The following MIPEP variants were observed in gnomAD, a reference collection of about 807,000 sequenced individuals.
MIPEP encodes the protein mitochondrial intermediate peptidase.
In MIPEP, 79 loss-of-function variants were observed where a neutral mutation model predicts 90.3. The ratio of observed to expected loss-of-function variants is 0.87; its 90% CI spans 0.73 to 1.05. The LOEUF is 1.05. Ranked by LOEUF, MIPEP falls within the 50% of genes least tolerant of loss-of-function variation. The pLI, the probability that MIPEP is intolerant of heterozygous loss-of-function variation, is 0.00. For missense variants in MIPEP, 940 were observed against 905.6 expected (o/e 1.04, Z -0.49); for synonymous variants, 334 against 315.8 (o/e 1.06, Z -0.61).
intron 5 of MIPEP, 31 bp downstream of exon 5, chr13:23,874,815 G>A (rs1367781249): frequency 7.1e-6 from 11 of 1,548,822 alleles, no homozygotes. Context: ...AGTAAAACTG[G>A]AAGAGTCAAA....
intron 10 of MIPEP, among the ~76,000 whole-genome samples, chr13:23,855,873 A>G (rs1042302613): frequency 6.6e-6 from 1 of 152,232 alleles, no homozygotes; most frequent in Non-Finnish European, 1.5e-5. Context: ...TGTTCCCAGC[A>G]TACCTGGTGA....
intron 13 of MIPEP, among the ~76,000 whole-genome samples, chr13:23,836,952 CTGGATGCCAACAATTCACTAG>C (rs1441515814): frequency 6.6e-6 from 1 of 152,216 alleles, no homozygotes; most frequent in Non-Finnish European, 1.5e-5. Flanking sequence ...TTAACAAATG[CTGGATGCCAACAATTCACTAG>C]TGGTCTAATG....
chr13:23,759,219 G>A (rs1235756849), intron 17 of MIPEP, among the ~76,000 whole-genome samples: 1 of 152,092 alleles, frequency 6.6e-6, no homozygotes, highest in Admixed American at 6.6e-5. Context: ...TTCCTGTTAG[G>A]AGGATCAGGA....
At chr13:23,819,916 G>A (rs1312142789) in intron 14 of MIPEP, among the ~76,000 whole-genome samples, 2 of 151,926 alleles carry the variant, frequency 1.3e-5, no homozygotes, top group Non-Finnish European at 2.9e-5. Context: ...GGCTGAGGGA[G>A]GAGAATTGCT....
chr13:23,813,605 A>C (rs1593169286), intron 14 of MIPEP, among the ~76,000 whole-genome samples: 2 of 152,110 alleles, frequency 1.3e-5, no homozygotes, highest in East Asian at 1.9e-4. Flanking sequence ...AAATATACCT[A>C]TCTCTCTCAT....
intron 16 of MIPEP, among the ~76,000 whole-genome samples, chr13:23,780,730 T>TGTAG (rs1212956639): frequency 6.6e-6 from 1 of 152,158 alleles, no homozygotes; most frequent in African/African-American, 2.4e-5. Context: ...AATGGCTAAC[T>TGTAG]AGAATAACCA....
chr13:23,779,637 T>C (rs2137359005), intron 16 of MIPEP, among the ~76,000 whole-genome samples: 2 of 149,878 alleles, frequency 1.3e-5, no homozygotes, highest in Middle Eastern at 3.4e-3. Context: ...GCCCACCGAG[T>C]GTGAGCCAAA....
chr13:23,845,694 C>T (rs9580767), intron 10 of MIPEP, among the ~76,000 whole-genome samples: 215 of 152,218 alleles, frequency 1.4e-3, no homozygotes, highest in African/African-American at 5.1e-3. Context: ...TCCAAATTAT[C>T]CTCTAAAAAA....
chr13:23,771,900 T>G lies in MIPEP; in HGVS notation c.1849-11683A>C, dbSNP rs557425178. Among the ~76,000 whole-genome samples the G allele has an allele frequency of 4.8e-4, 73 of 152,270 alleles. No homozygotes were observed. In the South Asian group the frequency reaches 0.013, roughly 27 times the overall value. On this transcript the variant is annotated intron_variant, in intron 16 of 18. Transcript: ENST00000382172. ...GATCCTATTAAAAAGTACATCCTAT[T>G]AACTTTCCTTTACATTGCCTAAGAG...
In MIPEP at chr13:23,864,986, G is replaced by GAAT. The variant is rs1870469805; in HGVS notation, c.944-800_944-798dup. On this transcript the variant is annotated intron_variant, in intron 7 of 18. Coordinates refer to ENST00000382172, the MANE Select transcript of MIPEP (RefSeq NM_005932.4). ...AATTTTATTGTTATATACAACTGTA[G>GAAT]AATAATCTATTCAGGATAAATATGA... Among the ~76,000 whole-genome samples, 3 of 150,932 alleles carry GAAT rather than the reference G, an allele frequency of 2.0e-5. No individual in the cohort carries two copies. In the South Asian group the frequency reaches 6.3e-4, roughly 32 times the overall value.
chr13:23,825,625 A>G (rs940850306), intron 14 of MIPEP, among the ~76,000 whole-genome samples: 25 of 152,228 alleles, frequency 1.6e-4, no homozygotes, highest in African/African-American at 6.0e-4. Flanking sequence ...GGAAAAAGAA[A>G]ATACTCACAA....
At chr13:23,846,258 A>G (rs1000521097) in intron 10 of MIPEP, among the ~76,000 whole-genome samples, 2 of 152,146 alleles carry the variant, frequency 1.3e-5, no homozygotes, top group Non-Finnish European at 1.5e-5. Flanking sequence ...TATTTTGCCA[A>G]CATTTACTGG....
chr13:23,822,257 T>C (rs1953314857), intron 14 of MIPEP, among the ~76,000 whole-genome samples: 1 of 152,204 alleles, frequency 6.6e-6, no homozygotes, highest in Non-Finnish European at 1.5e-5. Context: ...TTTTCCACAA[T>C]TACCACTGTA....
intron 8 of MIPEP, among the ~76,000 whole-genome samples, chr13:23,863,938 A>G (rs1870419182): frequency 6.6e-6 from 1 of 152,218 alleles, no homozygotes; most frequent in Non-Finnish European, 1.5e-5. Context: ...GTTTAATGAA[A>G]GGGGACAGCT....
At chr13:23,886,589 C>T in intron 1 of MIPEP, 83 bp from the exon 2 acceptor site, 1 of 1,169,424 alleles carries the variant, frequency 8.6e-7, no homozygotes, top group East Asian at 2.7e-5. Flanking sequence ...ACTTTTATCA[C>T]AAAGGAGATC....
At chr13:23,854,276 T>A (rs533752024) in intron 10 of MIPEP, among the ~76,000 whole-genome samples, 1 of 151,964 alleles carries the variant, frequency 6.6e-6, no homozygotes, top group South Asian at 2.1e-4. Context: ...TTAATTCATT[T>A]TTTTCTTAAA....
Position 23,764,350 on chromosome 13 carries a change from T to C in MIPEP, c.1849-4133A>G, listed in dbSNP as rs545820636. Among the ~76,000 whole-genome samples, 9 of 152,314 alleles carry C rather than the reference T, an allele frequency of 5.9e-5. No homozygotes were observed. In the South Asian group the frequency reaches 1.9e-3, roughly 32 times the overall value. On this transcript the variant is annotated intron_variant, in intron 16 of 18. Transcript: ENST00000382172. ...TCACTTGCTTTAGAACTTCAGAGAA[T>C]GGAAGGCTCTTTGATCATTTTTACT...
chr13:23,804,551 T>C (rs1953084102), intron 16 of MIPEP, among the ~76,000 whole-genome samples: 1 of 152,200 alleles, frequency 6.6e-6, no homozygotes, highest in Non-Finnish European at 1.5e-5. Flanking sequence ...GTAGAAAGTA[T>C]TAGAATAGTA....
chr13:23,741,773 G>A (rs539787676), intron 18 of MIPEP, among the ~76,000 whole-genome samples: 2 of 150,498 alleles, frequency 1.3e-5, no homozygotes, highest in African/African-American at 2.4e-5. Context: ...CATGACACAA[G>A]TTTACCTATA....
Sources: gnomAD v4.1 joint callset for allele counts (sites outside exome capture counted in the v4.1 genomes callset) on GRCh38, gnomAD v4.1.1 for gene constraint, MANE v1.5 for transcripts, NCBI Gene and HGNC (gene_info 2026-07-23, HGNC 2026-07-21) for gene names.